The following XRN1 variants were observed in gnomAD, a reference collection of about 807,000 sequenced individuals.
The protein encoded by XRN1 is strand-exchange protein 1 homolog.
Under a neutral mutation model 222.3 loss-of-function variants are expected in XRN1, and 67 were observed. That is an observed-to-expected ratio of 0.30 (90% confidence interval 0.25 to 0.37). The LOEUF is 0.37. Ranked by LOEUF, XRN1 falls within the 10% of genes least tolerant of loss-of-function variation. XRN1 has a pLI of 1.00. For missense variants in XRN1, 1,707 were observed against 2,000.2 expected (o/e 0.85, Z 2.80); for synonymous variants, 643 against 652.4 (o/e 0.99, Z 0.22).
chr3:142,353,024 T>C (rs1245375354), intron 32 of XRN1, among the ~76,000 whole-genome samples: 1 of 152,230 alleles, frequency 6.6e-6, no homozygotes, highest in Non-Finnish European at 1.5e-5. Context: ...TCCTCTTCCT[T>C]TCTTTGTCTG....
intron 33 of XRN1, among the ~76,000 whole-genome samples, chr3:142,336,858 C>T (rs1293912080): frequency 4.0e-5 from 6 of 151,844 alleles, no homozygotes; most frequent in Non-Finnish European, 8.8e-5. Context: ...GAATATAACA[C>T]CTTTATGCTA....
chr3:142,337,654 T>C (rs2065887615), intron 33 of XRN1, among the ~76,000 whole-genome samples: 1 of 152,182 alleles, frequency 6.6e-6, no homozygotes, highest in South Asian at 2.1e-4. Flanking sequence ...AGTATAAACA[T>C]ATAAATTATG....
At chr3:142,404,179 T>C (rs1233592403) in intron 16 of XRN1, among the ~76,000 whole-genome samples, 190 bp from the exon 17 acceptor site, 1 of 152,130 alleles carries the variant, frequency 6.6e-6, no homozygotes, top group African/African-American at 2.4e-5. Flanking sequence ...GACACAATCA[T>C]GCCTGTAGAT....
In XRN1 at chr3:142,318,603, G is replaced by A. The variant is rs754540330; in HGVS notation, c.4610C>T (p.Pro1537Leu). The stretch of plus-strand genomic sequence containing the variant: ...GAAAAATATCTTACCAGTAGGTGGG[G>A]GAAAGGCTGGAGGAATGGTTCCAGG... ...VPPGTIPPAF[P>L]PPTANIMPSS... The change falls in exon 39 of 41, where the codon CCC becomes CTC. Residue 1537 changes from proline (P) to leucine (L), a missense_variant. Pro to Leu is a moderately conservative substitution (Grantham distance 98). This residue lies in a region of XRN1 where 473 missense variants were observed against 482.0 expected (regional missense o/e 0.98). Coordinates refer to ENST00000392981, the MANE Select transcript of XRN1 (RefSeq NM_001282857.2). The A allele has an allele frequency of 8.1e-6, 13 of 1,605,468 alleles. No individual in the cohort carries two copies. The East Asian group carries it at 2.9e-4, about 36-fold the overall frequency.
At chr3:142,379,891 C>G in intron 23 of XRN1, among the ~76,000 whole-genome samples, 191 bp downstream of exon 23, 1 of 152,080 alleles carries the variant, frequency 6.6e-6, no homozygotes, top group East Asian at 1.9e-4. Flanking sequence ...GATTTCCCCC[C>G]ACAAAGATCT....
chr3:142,385,736 T>C (rs2067475675), intron 20 of XRN1, among the ~76,000 whole-genome samples: 1 of 152,132 alleles, frequency 6.6e-6, no homozygotes, highest in Admixed American at 6.5e-5. Flanking sequence ...TTTCTCTTTC[T>C]AGAACTCCTA....
At chr3:142,423,721 A>G in intron 5 of XRN1, 79 bp from the exon 6 acceptor site, 1 of 1,073,050 alleles carries the variant, frequency 9.3e-7, no homozygotes, top group South Asian at 1.8e-5. Context: ...TTAAAAAACA[A>G]TTCTATACAA....
In XRN1 at chr3:142,414,198, T is replaced by C; in HGVS notation, c.1530A>G (p.Pro510=). 2 of 1,613,920 alleles carry C rather than the reference T, an allele frequency of 1.2e-6. No individual in the cohort carries two copies. The highest frequency in any genetic ancestry group is 1.7e-6 in the Non-Finnish European group (2 of 1,179,892). ...GAAGTACAGCAAGAAGCTGTTCAAA[T>C]GGCTTAAAAGGTTTTCCTAGTTCAA... ...IHFELGKPFK[P]FEQLLAVLPA... The change falls in exon 14 of 41, where the codon CCA becomes CCG. Residue 510 remains proline, a synonymous_variant. Transcript: ENST00000392981.
chr3:142,446,445 G>T (rs1030658565), intron 1 of XRN1, among the ~76,000 whole-genome samples: 3 of 152,166 alleles, frequency 2.0e-5, no homozygotes, highest in African/African-American at 7.2e-5. Flanking sequence ...TAGTGTCCAT[G>T]TCATAAAACT....
chr3:142,418,659 T>G (rs780649005), intron 11 of XRN1, 50 bp from the exon 12 acceptor site: 9 of 1,490,122 alleles, frequency 6.0e-6, no homozygotes, highest in Non-Finnish European at 8.3e-6. Flanking sequence ...GAATAGCCTG[T>G]TTTTCCACCT....
rs2070592155 is a variant in XRN1, at chr3:142,447,777, A to T, written c.75+93T>A. ...ACTAATCGTCCAGACGACGAGGGGA[A>T]AGAGGTGGCTCGAAAGCCCCAGCTC... On this transcript the variant is annotated intron_variant, in intron 1 of 40. Transcript: ENST00000392981. This position sits in a 1 kb window ranked among gnomAD's most constrained non-coding sequence, Gnocchi z 4.2. 8 of 1,408,810 alleles carry T rather than the reference A, an allele frequency of 5.7e-6. No individual in the cohort carries two copies. The highest frequency in any genetic ancestry group is 6.9e-6 in the Non-Finnish European group (7 of 1,016,326). The allele number at this position is 1,408,810 out of a possible 1,614,324, so 87.3% of individuals were successfully genotyped here. A position where few individuals can be genotyped will look rare whatever the true frequency, so the allele number is the denominator to read the frequency against.
At chr3:142,357,420 T>G (rs1364411354) in intron 30 of XRN1, among the ~76,000 whole-genome samples, 2 of 149,382 alleles carry the variant, frequency 1.3e-5, no homozygotes, top group African/African-American at 5.2e-5. Context: ...AACTGAAAAT[T>G]TATGAATTAA....
chr3:142,435,749 T>G (rs559162594), intron 1 of XRN1, among the ~76,000 whole-genome samples: 1 of 118,058 alleles, frequency 8.5e-6, no homozygotes, highest in Non-Finnish European at 1.6e-5. Flanking sequence ...AGAGTGAAAC[T>G]GTCCCCACCC....
chr3:142,393,043 T>C (rs2107986201), intron 20 of XRN1, among the ~76,000 whole-genome samples: 1 of 151,886 alleles, frequency 6.6e-6, no homozygotes, highest in Middle Eastern at 3.4e-3. Context: ...GGTATCTCAT[T>C]GTGGTTTTGA....
At chr3:142,431,901 A>T (rs1253065571) in intron 2 of XRN1, among the ~76,000 whole-genome samples, 1 of 34,606 alleles carries the variant, frequency 2.9e-5, no homozygotes, top group African/African-American at 1.5e-4. Flanking sequence ...TAATATATAT[A>T]TTATATATAT....
rs1275939654 is a variant in XRN1 at position 142,312,650 on chromosome 3, G to A, written c.4730C>T (p.Pro1577Leu). 2 of 1,613,536 alleles carry A rather than the reference G, an allele frequency of 1.2e-6. No individual in the cohort carries two copies. The highest frequency in any genetic ancestry group is 2.2e-5 in the South Asian group (2 of 91,028). ...FHHTLYSGTMPMAGGIPGGVH... is the reference protein window; with the variant it reads ...FHHTLYSGTMLMAGGIPGGVH... The stretch of plus-strand genomic sequence containing the variant: ...ACCCCCTGGTATTCCCCCAGCCATG[G>A]GCATGGTCCCAGAATATAAAGTATG... The change falls in exon 40 of 41, where the codon CCC becomes CTC. Residue 1577 changes from proline (P) to leucine (L), a missense_variant. Pro to Leu is a moderately conservative substitution (Grantham distance 98, BLOSUM62 -3). Around this residue, in one of 2 missense-constraint regions of XRN1, gnomAD observed 473 missense variants for 482.0 expected, o/e 0.98. Transcript: ENST00000392981.
intron 25 of XRN1, 44 bp downstream of exon 25, chr3:142,375,754 C>A: frequency 6.5e-7 from 1 of 1,526,842 alleles, no homozygotes; most frequent in Non-Finnish European, 8.8e-7. Flanking sequence ...ACAGTATTTT[C>A]CTAAGATTTT....
intron 30 of XRN1, 43 bp downstream of exon 30, chr3:142,359,819 T>C: frequency 2.1e-6 from 3 of 1,424,884 alleles, no homozygotes; most frequent in East Asian, 2.3e-5. Flanking sequence ...ACTGGCCACA[T>C]GAACATATTC....
At chr3:142,374,051 G>A (rs946113794) in intron 25 of XRN1, among the ~76,000 whole-genome samples, 1 of 152,048 alleles carries the variant, frequency 6.6e-6, no homozygotes, top group African/African-American at 2.4e-5. Context: ...TCTACACCCA[G>A]GCAAACTATC....
Sources: allele counts gnomAD v4.1 joint callset (sites outside exome capture counted in the v4.1 genomes callset), GRCh38; gene constraint gnomAD v4.1.1; regional missense constraint gnomAD v4.1.1; non-coding constraint Gnocchi (gnomAD v3.1); transcripts MANE v1.5; gene names NCBI Gene and HGNC (gene_info 2026-07-23, HGNC 2026-07-21).